Variants in SIPA1L3 observed in about 807,000 individuals in gnomAD.
SIPA1L3 encodes signal-induced proliferation-associated 1-like protein 3.
In SIPA1L3, 59 loss-of-function variants were observed where a neutral mutation model predicts 150.1. That is an observed-to-expected ratio of 0.39 (90% confidence interval 0.32 to 0.49). The LOEUF is 0.49. Ranked by LOEUF, SIPA1L3 falls within the 20% of genes least tolerant of loss-of-function variation. The probability of loss-of-function intolerance (pLI) is 0.86; values close to 1 mark genes in which losing one functional copy is unlikely to be tolerated. For synonymous variants in SIPA1L3, 1,070 were observed against 1,077.6 expected (o/e 0.99, Z 0.14); for missense variants, 2,211 against 2,489.5 (o/e 0.89, Z 2.38).
intron 8 of SIPA1L3, among the ~76,000 whole-genome samples, chr19:38,111,141 C>T (rs951273196): frequency 2.0e-5 from 3 of 151,850 alleles, no homozygotes; most frequent in African/African-American, 2.4e-5. Flanking sequence ...CCTCCTGCCT[C>T]AGCCTCCTGA....
intron 15 of SIPA1L3, among the ~76,000 whole-genome samples, chr19:38,170,329 T>G (rs902897862): frequency 1.3e-5 from 2 of 152,196 alleles, no homozygotes; most frequent in Non-Finnish European, 2.9e-5. Flanking sequence ...CAGACCTTGG[T>G]TCAAGTGGCC....
chr19:38,078,610 A>G (rs1202595393), intron 2 of SIPA1L3, among the ~76,000 whole-genome samples: 1 of 148,488 alleles, frequency 6.7e-6, no homozygotes, highest in Non-Finnish European at 1.5e-5. Context: ...ACACACAGAC[A>G]CATACACGCA....
At chr19:38,163,200 A>G (rs1259310309) in intron 14 of SIPA1L3, among the ~76,000 whole-genome samples, 1 of 152,138 alleles carries the variant, frequency 6.6e-6, no homozygotes, top group Admixed American at 6.6e-5. Flanking sequence ...TGTATAAGAA[A>G]AAGTGCGGGC....
chr19:38,083,352 T>G (rs1029341027), intron 3 of SIPA1L3, among the ~76,000 whole-genome samples: 2 of 152,160 alleles, frequency 1.3e-5, no homozygotes, highest in African/African-American at 2.4e-5. Context: ...TCAGCACATA[T>G]GGACTTGGGG....
chr19:37,987,260 G>GTAGGTGATA (rs1311690922), intron 1 of SIPA1L3, among the ~76,000 whole-genome samples: 1 of 152,118 alleles, frequency 6.6e-6, no homozygotes. Flanking sequence ...CCCAGGTGAT[G>GTAGGTGATA]TAGATGATGC....
chr19:38,036,335 A>G (rs537944362), intron 2 of SIPA1L3, among the ~76,000 whole-genome samples: 30 of 152,326 alleles, frequency 2.0e-4, no homozygotes, highest in African/African-American at 7.0e-4. Context: ...TCCTCTGGCT[A>G]AGAGGGTTTT....
intron 2 of SIPA1L3, among the ~76,000 whole-genome samples, chr19:38,060,030 C>G (rs979152071): frequency 6.6e-6 from 1 of 152,212 alleles, no homozygotes; most frequent in Non-Finnish European, 1.5e-5. Context: ...CCACCTCAGC[C>G]TCTCAGAGTG....
At chr19:38,041,498 C>T (rs1424281277) in intron 2 of SIPA1L3, among the ~76,000 whole-genome samples, 1 of 151,914 alleles carries the variant, frequency 6.6e-6, no homozygotes, top group African/African-American at 2.4e-5. Context: ...AGGCTGATCT[C>T]AAACTCCTGA....
At chr19:38,010,031 A>G (rs935062537) in intron 1 of SIPA1L3, among the ~76,000 whole-genome samples, 5 of 152,000 alleles carry the variant, frequency 3.3e-5, no homozygotes, top group Non-Finnish European at 7.4e-5. Context: ...GACACTCCCT[A>G]TCTCTCTTAA....
At chr19:38,077,684 T>G (rs1969876287) in intron 2 of SIPA1L3, among the ~76,000 whole-genome samples, 1 of 120,150 alleles carries the variant, frequency 8.3e-6, no homozygotes, top group Non-Finnish European at 1.7e-5. Context: ...TTTTTTTTTT[T>G]TTTTGAGATG....
intron 1 of SIPA1L3, among the ~76,000 whole-genome samples, chr19:37,954,908 G>A (rs1210967965): frequency 2.0e-5 from 3 of 152,024 alleles, no homozygotes; most frequent in Admixed American, 1.3e-4. Flanking sequence ...ACAACATGGT[G>A]AAACCCTGTC....
intron 1 of SIPA1L3, among the ~76,000 whole-genome samples, chr19:37,929,275 G>A (rs2046532495): frequency 6.6e-6 from 1 of 152,188 alleles, no homozygotes; most frequent in Non-Finnish European, 1.5e-5. Context: ...TGAAATCAGA[G>A]TACCATTTAG....
chr19:38,031,917 T>C (rs1303462924), intron 2 of SIPA1L3, among the ~76,000 whole-genome samples: 1 of 152,198 alleles, frequency 6.6e-6, no homozygotes, highest in African/African-American at 2.4e-5. Flanking sequence ...GCCACTGCAC[T>C]CCAGTGTGGG....
At chr19:37,971,679 C>T (rs548852114) in intron 1 of SIPA1L3, among the ~76,000 whole-genome samples, 9 of 152,216 alleles carry the variant, frequency 5.9e-5, no homozygotes, top group South Asian at 2.1e-4. Flanking sequence ...GTTCTCCTGC[C>T]TTAGCCTCCT....
intron 1 of SIPA1L3, among the ~76,000 whole-genome samples, chr19:37,949,183 G>A (rs930786884): frequency 6.6e-6 from 1 of 152,202 alleles, no homozygotes; most frequent in African/African-American, 2.4e-5. Flanking sequence ...TCCCATCTCT[G>A]TCTCTTCTTT....
At chr19:37,949,885 T>C (rs1435494588) in intron 1 of SIPA1L3, among the ~76,000 whole-genome samples, 1 of 152,054 alleles carries the variant, frequency 6.6e-6, no homozygotes, top group Non-Finnish European at 1.5e-5. Context: ...GAAACCATCC[T>C]GGCCAAAATG....
At chr19:38,072,929 A>T (rs1008586775) in intron 2 of SIPA1L3, among the ~76,000 whole-genome samples, 2 of 152,208 alleles carry the variant, frequency 1.3e-5, no homozygotes, top group Non-Finnish European at 2.9e-5. Flanking sequence ...CGCAGGGGCA[A>T]TCTGGGAGCA....
intron 2 of SIPA1L3, among the ~76,000 whole-genome samples, chr19:38,074,930 C>T (rs1264002598): frequency 6.6e-6 from 1 of 152,174 alleles, no homozygotes; most frequent in Non-Finnish European, 1.5e-5. Context: ...GATGGGGTTT[C>T]ACTGTAATGC....
intron 1 of SIPA1L3, among the ~76,000 whole-genome samples, chr19:38,005,342 A>C (rs943847258): frequency 3.4e-5 from 5 of 146,150 alleles, no homozygotes; most frequent in African/African-American, 7.6e-5. Flanking sequence ...CCTGCCTGCC[A>C]CCCGCCCCCA....
Sources: allele counts gnomAD v4.1 joint callset (sites outside exome capture counted in the v4.1 genomes callset), GRCh38; gene constraint gnomAD v4.1.1; transcripts MANE v1.5; gene names NCBI Gene and HGNC (gene_info 2026-07-23, HGNC 2026-07-21).